BNC2: variants seen among roughly 807,000 people sequenced by gnomAD.
BNC2 encodes the protein zinc finger protein basonuclin-2.
A neutral mutation model predicts 76.3 loss-of-function variants in BNC2; 20 were observed. That is an observed-to-expected ratio of 0.26 (90% CI 0.18 to 0.38). The LOEUF (loss-of-function observed/expected upper bound fraction) is 0.38. Among genes scored for constraint, BNC2 ranks in the 10% least tolerant of loss-of-function variants. The pLI is 1.00. For missense variants in BNC2, 1,382 were observed against 1,399.8 expected (o/e 0.99, Z 0.20); for synonymous variants, 582 against 514.8 (o/e 1.13, Z -1.77).
At chr9:16,781,454 T>C (rs1826152384) in intron 1 of BNC2, among the ~76,000 whole-genome samples, 1 of 152,200 alleles carries the variant, frequency 6.6e-6, no homozygotes, top group Non-Finnish European at 1.5e-5. Context: ...GCAATTCTCC[T>C]GCCTCAGCCA....
rs575016461 is a variant in BNC2 at position 16,469,596 on chromosome 9, A to T, written c.670-32072T>A. Among the ~76,000 whole-genome samples the T allele has an allele frequency of 1.7e-3, 264 of 152,334 alleles. 1 individual carries two copies. The highest frequency in any genetic ancestry group is 6.0e-3 in the African/African-American group (248 of 41,576). ...ACTAATACAGTAAATTGGTACCAGT[A>T]GAGTGGGGCGTTGCTGAAAAGACAC... On this transcript the variant is annotated intron_variant, in intron 5 of 6. Coordinates refer to ENST00000380672, the MANE Select transcript of BNC2 (RefSeq NM_017637.6).
chr9:16,650,666 A>G (rs1242996122), intron 3 of BNC2, among the ~76,000 whole-genome samples: 1 of 152,176 alleles, frequency 6.6e-6, no homozygotes, highest in Non-Finnish European at 1.5e-5. Flanking sequence ...TAACTGGATT[A>G]TATATAGGTA....
At chr9:16,716,329 C>T (rs965494804) in intron 3 of BNC2, among the ~76,000 whole-genome samples, 1 of 152,160 alleles carries the variant, frequency 6.6e-6, no homozygotes, top group Admixed American at 6.5e-5. Context: ...GACATTTATA[C>T]TTACATTAAA....
At chr9:16,501,616 A>C (rs538046144) in intron 5 of BNC2, among the ~76,000 whole-genome samples, 1 of 152,308 alleles carries the variant, frequency 6.6e-6, no homozygotes, top group East Asian at 1.9e-4. Flanking sequence ...CACAGTCTGC[A>C]TAACATAGAG....
At chr9:16,861,289 G>A (rs961769314) in intron 1 of BNC2, among the ~76,000 whole-genome samples, 2 of 151,262 alleles carry the variant, frequency 1.3e-5, no homozygotes, top group African/African-American at 4.9e-5. Context: ...AGGAGTTCAA[G>A]GCTGCAGTGA....
At chr9:16,578,424 GT>G (rs1013316976) in intron 4 of BNC2, among the ~76,000 whole-genome samples, 21 of 151,636 alleles carry the variant, frequency 1.4e-4, no homozygotes, top group African/African-American at 5.1e-4. Context: ...CATGCCTCCT[GT>G]TTTTTTTCAC....
chr9:16,529,035 C>A (rs918293001), intron 5 of BNC2, among the ~76,000 whole-genome samples: 1 of 152,178 alleles, frequency 6.6e-6, no homozygotes, highest in East Asian at 1.9e-4. Flanking sequence ...TCCGGAGGCT[C>A]TGCCGCCATC....
At chr9:16,824,172 A>T (rs1305238095) in intron 1 of BNC2, among the ~76,000 whole-genome samples, 1 of 152,112 alleles carries the variant, frequency 6.6e-6, no homozygotes, top group East Asian at 1.9e-4. Flanking sequence ...ATCACTAAGG[A>T]GGTAATGTGT....
chr9:16,586,619 T>C (rs376702690), intron 3 of BNC2, among the ~76,000 whole-genome samples: 1 of 139,304 alleles, frequency 7.2e-6, no homozygotes, highest in Non-Finnish European at 1.6e-5. Context: ...TCTCTCTCTC[T>C]CCACTGTAAA....
chr9:16,458,212 G>C (rs535111061), intron 5 of BNC2, among the ~76,000 whole-genome samples: 22 of 117,300 alleles, frequency 1.9e-4, no homozygotes, highest in African/African-American at 8.9e-4. Flanking sequence ...TGGAAGCCAA[G>C]GGACCATGCT....
At chr9:16,832,978 C>T (rs1012764099) in intron 1 of BNC2, among the ~76,000 whole-genome samples, 28 of 152,174 alleles carry the variant, frequency 1.8e-4, no homozygotes, top group African/African-American at 6.5e-4. Flanking sequence ...CCTGCCTTGA[C>T]CTCCCAAAGT....
chr9:16,728,975 TAAAC>T (rs967869935), intron 2 of BNC2, among the ~76,000 whole-genome samples: 11 of 152,010 alleles, frequency 7.2e-5, no homozygotes, highest in East Asian at 5.8e-4. Flanking sequence ...AAGAAAAAGA[TAAAC>T]AAAAAAAGCC....
At chr9:16,566,879 T>C (rs1733535546) in intron 4 of BNC2, among the ~76,000 whole-genome samples, 1 of 152,214 alleles carries the variant, frequency 6.6e-6, no homozygotes, top group South Asian at 2.1e-4. Flanking sequence ...AATCTCTTTT[T>C]AGTATGCAGA....
chr9:16,487,718 T>C (rs1400490489), intron 5 of BNC2, among the ~76,000 whole-genome samples: 3 of 152,246 alleles, frequency 2.0e-5, no homozygotes, highest in African/African-American at 4.8e-5. Context: ...TGTCCACTGC[T>C]ATGTAAGCCC....
intron 1 of BNC2, among the ~76,000 whole-genome samples, chr9:16,834,644 G>A (rs1563963629): frequency 6.6e-6 from 1 of 152,066 alleles, no homozygotes; most frequent in Non-Finnish European, 1.5e-5. Flanking sequence ...TTACATTTTT[G>A]CCTGATTATC....
chr9:16,769,367 C>T (rs934553840), intron 1 of BNC2, among the ~76,000 whole-genome samples: 2 of 152,168 alleles, frequency 1.3e-5, no homozygotes, highest in Non-Finnish European at 2.9e-5. Context: ...TTACTCCTCA[C>T]AACAACAGGT....
At chr9:16,846,092 A>T (rs969658611) in intron 1 of BNC2, among the ~76,000 whole-genome samples, 9 of 151,616 alleles carry the variant, frequency 5.9e-5, no homozygotes, top group Admixed American at 2.6e-4. Context: ...CTGACCCCAG[A>T]TCGCGCCACT....
intron 1 of BNC2, among the ~76,000 whole-genome samples, chr9:16,818,876 G>A (rs377144460): frequency 1.8e-3 from 121 of 68,304 alleles, no homozygotes; most frequent in African/African-American, 5.5e-3. Flanking sequence ...TTTTTAAAGC[G>A]GTTAAGAAGT....
chr9:16,729,217 A>G (rs1824438491), intron 2 of BNC2, among the ~76,000 whole-genome samples: 1 of 152,248 alleles, frequency 6.6e-6, no homozygotes, highest in Non-Finnish European at 1.5e-5. Context: ...CATAAACAGT[A>G]AGTTCAAAAT....
Sources: allele counts gnomAD v4.1 joint callset (sites outside exome capture counted in the v4.1 genomes callset), GRCh38; gene constraint gnomAD v4.1.1; transcripts MANE v1.5; gene names NCBI Gene and HGNC (gene_info 2026-07-23, HGNC 2026-07-21).